DOK5: variants seen among roughly 807,000 people sequenced by gnomAD.
DOK5 encodes the protein downstream of tyrosine kinase 5.
In DOK5, 27 loss-of-function variants were observed where a neutral mutation model predicts 43.3. The observed-to-expected ratio is 0.62, with a 90% CI of 0.46 to 0.86. The LOEUF is 0.86. Ranked by LOEUF, DOK5 falls within the 40% of genes least tolerant of loss-of-function variation. The pLI, the probability that DOK5 is intolerant of heterozygous loss-of-function variation, is 0.00. For missense variants in DOK5, 373 were observed against 392.9 expected (o/e 0.95, Z 0.43); for synonymous variants, 146 against 140.1 (o/e 1.04, Z -0.30).
At chr20:54,576,266 A>C (rs1399116120) in intron 2 of DOK5, among the ~76,000 whole-genome samples, 2 of 152,172 alleles carry the variant, frequency 1.3e-5, no homozygotes, top group African/African-American at 4.8e-5. Context: ...TATAAGATGA[A>C]AGCAAATAAA....
At chr20:54,534,345 G>C (rs1051556017) in intron 1 of DOK5, among the ~76,000 whole-genome samples, 8 of 152,152 alleles carry the variant, frequency 5.3e-5, no homozygotes, top group African/African-American at 1.9e-4. Context: ...ACGCCACCAT[G>C]CCCAGATAAT....
chr20:54,617,598 T>G (rs1414487068), intron 6 of DOK5, among the ~76,000 whole-genome samples: 1 of 152,196 alleles, frequency 6.6e-6, no homozygotes. Flanking sequence ...GTGCTGAGAT[T>G]ACAGGTATGA....
rs150413861 is a variant in DOK5, at chr20:54,580,461, A to G, written c.175-8022A>G. 1.3e-3 allele frequency among the ~76,000 whole-genome samples: 202 copies of G among 152,232 alleles called. 1 individual carries two copies. The highest frequency in any genetic ancestry group is 2.0e-3 in the Non-Finnish European group (135 of 68,004). The stretch of plus-strand genomic sequence containing the variant: ...AGTGGCTGCACCTTTTTACATTCCC[A>G]TCGAGAGCACACAAAGTTTCCAATG... On this transcript the variant is annotated intron_variant, in intron 2 of 7. Transcript: ENST00000262593.
chr20:54,503,375 T>C (rs142576365), intron 1 of DOK5, among the ~76,000 whole-genome samples: 10 of 152,348 alleles, frequency 6.6e-5, no homozygotes, highest in African/African-American at 2.4e-4. Context: ...TCAGGTGGAA[T>C]GCAGGAAGTC....
At position 54,476,019 on chromosome 20, in the gene DOK5, A is replaced by G. The variant is rs760811282; in HGVS notation, c.66+7A>G. 2 of 1,613,124 alleles carry G rather than the reference A, an allele frequency of 1.2e-6. No individual in the cohort carries two copies. Among genetic ancestry groups the G allele is most frequent in the Non-Finnish European group, 1.7e-6 (2 of 1,179,876 alleles). On this transcript the variant is annotated splice_region_variant and intron_variant, in intron 1 of 7. Transcript: ENST00000262593. ...CCGGAGCAGACGCCTCGGGGTGAGT[A>G]TCGATCCTCTCCGTGTTGCTGTTCG... is the stretch of plus-strand genomic sequence containing the variant.
intron 2 of DOK5, among the ~76,000 whole-genome samples, chr20:54,561,653 G>A (rs1317216784): frequency 1.3e-5 from 2 of 152,140 alleles, no homozygotes; most frequent in Admixed American, 1.3e-4. Flanking sequence ...TCTTGTTTAA[G>A]CCTTTATTTA....
intron 5 of DOK5, among the ~76,000 whole-genome samples, chr20:54,605,010 AAAATATAT>A (rs1226458558): frequency 0.022 from 3,048 of 141,634 alleles, 64 homozygotes; most frequent in African/African-American, 0.047. Flanking sequence ...TCAAAAAAAA[AAAATATAT>A]ATATATACAC....
intron 6 of DOK5, among the ~76,000 whole-genome samples, chr20:54,623,094 G>A (rs994283379): frequency 1.3e-5 from 2 of 152,108 alleles, no homozygotes; most frequent in African/African-American, 2.4e-5. Flanking sequence ...ATTGGAACGC[G>A]TAGTCACCCT....
At chr20:54,643,130 C>T (rs112109824) in intron 6 of DOK5, among the ~76,000 whole-genome samples, 29 of 152,192 alleles carry the variant, frequency 1.9e-4, no homozygotes, top group African/African-American at 6.3e-4. Context: ...TAAATTATTT[C>T]GGAGTGGTCT....
At chr20:54,628,208 T>C (rs892619238) in intron 6 of DOK5, among the ~76,000 whole-genome samples, 3 of 151,236 alleles carry the variant, frequency 2.0e-5, no homozygotes, top group East Asian at 2.0e-4. Context: ...TTGGAGAAAA[T>C]TGGATCCTGT....
intron 6 of DOK5, among the ~76,000 whole-genome samples, chr20:54,622,231 G>T (rs1000539701): frequency 2.0e-5 from 3 of 151,834 alleles, no homozygotes; most frequent in Admixed American, 2.0e-4. Flanking sequence ...ATAAAAAAAA[G>T]AGCTAAATGA....
At chr20:54,497,823 T>G (rs1354866942) in intron 1 of DOK5, among the ~76,000 whole-genome samples, 1 of 152,230 alleles carries the variant, frequency 6.6e-6, no homozygotes, top group Non-Finnish European at 1.5e-5. Context: ...TTTATTTATC[T>G]GCTTATCTAG....
chr20:54,612,682 C>A (rs1986688415), intron 6 of DOK5, among the ~76,000 whole-genome samples: 1 of 152,104 alleles, frequency 6.6e-6, no homozygotes, highest in Non-Finnish European at 1.5e-5. Flanking sequence ...GGCTTTCAGG[C>A]CTTCAGACTG....
intron 6 of DOK5, among the ~76,000 whole-genome samples, chr20:54,625,933 A>C (rs2146810602): frequency 6.6e-6 from 1 of 152,342 alleles, no homozygotes; most frequent in Non-Finnish European, 1.5e-5. Flanking sequence ...GGTGGGCACG[A>C]CATCTATGAG....
At chr20:54,559,417 TCACATGTGGC>T (rs1458746027) in intron 2 of DOK5, among the ~76,000 whole-genome samples, 1 of 152,208 alleles carries the variant, frequency 6.6e-6, no homozygotes, top group Non-Finnish European at 1.5e-5. Context: ...TTCCTCATCA[TCACATGTGGC>T]TGAGTCTGCA....
chr20:54,638,643 GT>G (rs1427221125), intron 6 of DOK5, among the ~76,000 whole-genome samples: 6 of 151,816 alleles, frequency 4.0e-5, no homozygotes, highest in Non-Finnish European at 8.8e-5. Context: ...TTTTGTGGTT[GT>G]TTTTTATAGA....
chr20:54,508,962 C>T lies in DOK5; in HGVS notation c.66+32950C>T, dbSNP rs559620869. ...CACGATCTCGGCTCACTGCAACCTC[C>T]GTCTCCCTGGTTCATGCGATTCTCC... On this transcript the variant is annotated intron_variant, in intron 1 of 7. Coordinates refer to ENST00000262593, the MANE Select transcript of DOK5 (RefSeq NM_018431.5). Among the ~76,000 whole-genome samples, 61 of 150,036 alleles carry T rather than the reference C, an allele frequency of 4.1e-4. 1 individual carries two copies. In the South Asian group the frequency reaches 0.012, roughly 29 times the overall value.
chr20:54,538,048 A>G (rs1286615367), intron 1 of DOK5, among the ~76,000 whole-genome samples: 4 of 151,948 alleles, frequency 2.6e-5, no homozygotes, highest in Admixed American at 6.6e-5. Flanking sequence ...CATGTTGGTC[A>G]GGCTGGTCTT....
At chr20:54,628,917 C>T (rs556632738) in intron 6 of DOK5, among the ~76,000 whole-genome samples, 3 of 152,230 alleles carry the variant, frequency 2.0e-5, no homozygotes, top group African/African-American at 7.2e-5. Flanking sequence ...AATGGATTAT[C>T]TATGATCATC....
Sources: allele counts gnomAD v4.1 joint callset (sites outside exome capture counted in the v4.1 genomes callset), GRCh38; gene constraint gnomAD v4.1.1; transcripts MANE v1.5; gene names NCBI Gene and HGNC (gene_info 2026-07-23, HGNC 2026-07-21).